Variants in ITPK1 observed in about 807,000 individuals in gnomAD.
ITPK1 encodes inositol 1,3,4-trisphosphate 5/6-kinase.
ITPK1 carries 21 observed loss-of-function variants against 45.3 expected under a neutral mutation model. The observed-to-expected ratio is 0.46, with a 90% CI of 0.33 to 0.67. The LOEUF (loss-of-function observed/expected upper bound fraction) is 0.67, where lower values mean the gene tolerates loss of function less well. Ranked by LOEUF, ITPK1 falls within the 30% of genes least tolerant of loss-of-function variation. The pLI is 0.02. For missense variants in ITPK1, 474 were observed against 573.5 expected, an observed-to-expected ratio of 0.83 and a Z score of 1.77; for synonymous variants, 258 against 253.6, an observed-to-expected ratio of 1.02 and a Z score of -0.16.
At chr14:93,050,060 A>C (rs941938273) in intron 3 of ITPK1, among the ~76,000 whole-genome samples, 2 of 152,150 alleles carry the variant, frequency 1.3e-5, no homozygotes, top group Non-Finnish European at 2.9e-5. Flanking sequence ...CTTTCGAGGA[A>C]TGGCCTTCCC....
chr14:92,999,850 C>T lies in ITPK1; in HGVS notation c.247-5853G>A, dbSNP rs183774764. 1.4e-3 allele frequency among the ~76,000 whole-genome samples: 209 copies of T among 152,352 alleles called. 1 individual carries two copies. Among genetic ancestry groups the T allele is most frequent in the African/African-American group, 4.0e-3 (167 of 41,588 alleles). On this transcript the variant is annotated intron_variant, in intron 4 of 10. Transcript: ENST00000267615. Reference sequence around the variant, plus strand: ...ATTAACAGGGTTGTGCAACGATCAGCTCAATTTTAGAACGTTTTCATCCCA... The same window carrying T: ...ATTAACAGGGTTGTGCAACGATCAGTTCAATTTTAGAACGTTTTCATCCCA...
At chr14:92,947,970 A>G (rs1366403415) in intron 9 of ITPK1, among the ~76,000 whole-genome samples, 1 of 152,244 alleles carries the variant, frequency 6.6e-6, no homozygotes, top group African/African-American at 2.4e-5. Flanking sequence ...GAACAGCTAC[A>G]AAAACTGGTC....
At chr14:93,072,611 T>G (rs1740590) in intron 3 of ITPK1, among the ~76,000 whole-genome samples, 1 of 149,674 alleles carries the variant, frequency 6.7e-6, no homozygotes. Flanking sequence ...TATCAAATAT[T>G]ATTCTTTTTT....
chr14:93,100,542 GAGAGAGAGAGAGAGAC>G (rs918621259), intron 2 of ITPK1, among the ~76,000 whole-genome samples: 16 of 148,476 alleles, frequency 1.1e-4, no homozygotes, highest in East Asian at 3.9e-4. Context: ...AGGAGGGAGA[GAGAGAGAGAGAGAGAC>G]AGAGAGAGAG....
rs569969734 is a variant in ITPK1, at chr14:92,949,538, GCC to G, written c.738+2406_738+2407del. On this transcript the variant is annotated intron_variant, in intron 9 of 10. Coordinates refer to ENST00000267615, the MANE Select transcript of ITPK1 (RefSeq NM_014216.6). ...AGACCCTGGTGGATACCTTGGAGCTGCCCACTCTCCACTGTGTACCCTAAGCC... is the reference window on the plus strand; with the variant it reads ...AGACCCTGGTGGATACCTTGGAGCTGCACTCTCCACTGTGTACCCTAAGCC... Among the ~76,000 whole-genome samples the G allele has an allele frequency of 9.8e-5, 15 of 152,344 alleles. No individual in the cohort carries two copies. The East Asian group carries it at 2.9e-3, about 29-fold the overall frequency.
chr14:93,098,860 G>C (rs1386584930), intron 2 of ITPK1, among the ~76,000 whole-genome samples: 1 of 152,134 alleles, frequency 6.6e-6, no homozygotes, highest in Non-Finnish European at 1.5e-5. Flanking sequence ...ACACCAAGCA[G>C]AGGCACCCAC....
intron 5 of ITPK1, among the ~76,000 whole-genome samples, chr14:92,969,651 G>A (rs543331495): frequency 3.3e-5 from 5 of 152,320 alleles, no homozygotes; most frequent in Non-Finnish European, 7.3e-5. Context: ...CGAGAAGCTC[G>A]CAGTGGTGGC....
intron 2 of ITPK1, among the ~76,000 whole-genome samples, chr14:93,083,039 T>C (rs143955293): frequency 6.6e-6 from 1 of 152,154 alleles, no homozygotes; most frequent in East Asian, 1.9e-4. Context: ...CTGAAGATGA[T>C]GAAAATTACT....
chr14:93,104,209 G>A (rs1291953988), intron 2 of ITPK1, among the ~76,000 whole-genome samples: 3 of 152,200 alleles, frequency 2.0e-5, no homozygotes, highest in East Asian at 3.9e-4. Flanking sequence ...CTTGAGGCAG[G>A]GCGCGGTCGC....
intron 2 of ITPK1, among the ~76,000 whole-genome samples, chr14:93,112,661 A>C (rs534422188): frequency 6.6e-6 from 1 of 152,044 alleles, no homozygotes; most frequent in South Asian, 2.1e-4. Context: ...GATGGTCTCG[A>C]TCTCCTGACC....
chr14:92,940,147 C>T lies in ITPK1; in HGVS notation c.*1414G>A. The T allele has an allele frequency of 1.0e-6, 1 of 985,858 alleles. No homozygotes were observed. The allele number at this position is 985,858 out of a possible 1,614,324, so 61.1% of individuals were successfully genotyped here. A position where few individuals can be genotyped will look rare whatever the true frequency, so the allele number is the denominator to read the frequency against. On this transcript the variant is annotated 3_prime_UTR_variant, in exon 11 of 11. Coordinates refer to ENST00000267615, the MANE Select transcript of ITPK1 (RefSeq NM_014216.6). ...AGCCAGGCCGAAGGACCTCCATGCA[C>T]TGGCTCGGGGGCCTCTCTCGGGACA...
At chr14:93,085,184 G>A (rs1052376952) in intron 2 of ITPK1, among the ~76,000 whole-genome samples, 18 of 152,374 alleles carry the variant, frequency 1.2e-4, no homozygotes, top group East Asian at 9.6e-4. Context: ...GAAATGGCCC[G>A]ATATAAAGAC....
At chr14:93,007,353 C>T (rs1887669659) in intron 4 of ITPK1, among the ~76,000 whole-genome samples, 2 of 151,802 alleles carry the variant, frequency 1.3e-5, no homozygotes, top group African/African-American at 2.4e-5. Context: ...CCACCCACCC[C>T]ACCCTGGCCC....
chr14:93,023,440 T>C (rs1023117699), intron 3 of ITPK1, among the ~76,000 whole-genome samples: 1 of 152,372 alleles, frequency 6.6e-6, no homozygotes, highest in East Asian at 1.9e-4. Flanking sequence ...GCTGGCCCTG[T>C]GGACATGTGG....
chr14:92,959,878 C>T (rs1042824045), intron 7 of ITPK1, among the ~76,000 whole-genome samples: 3 of 152,092 alleles, frequency 2.0e-5, no homozygotes, highest in East Asian at 1.9e-4. Flanking sequence ...ATTCAGAGGC[C>T]GGGAGTGCGC....
rs115946307 is a variant in ITPK1 at position 92,955,393 on chromosome 14, C to A, written c.670+2808G>T. The stretch of plus-strand genomic sequence containing the variant: ...AAGCTGGAGAGAATAATGGAGGGAA[C>A]CTGCATAAAGCTGGGAGCCTGCGCT... On this transcript the variant is annotated intron_variant, in intron 8 of 10. Transcript: ENST00000267615. 4.7e-3 allele frequency among the ~76,000 whole-genome samples: 718 copies of A among 152,268 alleles called. 7 individuals are homozygous for A. Among genetic ancestry groups the A allele is most frequent in the African/African-American group, 0.015 (633 of 41,544 alleles).
intron 2 of ITPK1, among the ~76,000 whole-genome samples, chr14:93,112,070 T>C (rs1872915490): frequency 6.6e-6 from 1 of 150,380 alleles, no homozygotes; most frequent in African/African-American, 2.4e-5. Context: ...AAGACAAGGA[T>C]TACACTTGCA....
chr14:92,997,524 A>G (rs1034856181), intron 4 of ITPK1, among the ~76,000 whole-genome samples: 2 of 152,146 alleles, frequency 1.3e-5, no homozygotes, highest in African/African-American at 4.8e-5. Flanking sequence ...TCACCTCACT[A>G]TCCACAAGCG....
intron 5 of ITPK1, among the ~76,000 whole-genome samples, chr14:92,965,519 A>G (rs1013791692): frequency 9.2e-5 from 14 of 152,362 alleles, no homozygotes; most frequent in Admixed American, 3.3e-4. Flanking sequence ...ATGAAACAGC[A>G]TACAGAGTGG....
Sources: allele counts gnomAD v4.1 joint callset (sites outside exome capture counted in the v4.1 genomes callset), GRCh38; gene constraint gnomAD v4.1.1; transcripts MANE v1.5; gene names NCBI Gene and HGNC (gene_info 2026-07-23, HGNC 2026-07-21).